MALRD1: variants seen among roughly 807,000 people sequenced by gnomAD.
The protein encoded by MALRD1 is MAM and LDL-receptor class A domain-containing protein 1.
A neutral mutation model predicts 242.1 loss-of-function variants in MALRD1; 247 were observed. The ratio of observed to expected loss-of-function variants is 1.02; its 90% CI spans 0.92 to 1.13. The LOEUF is 1.13. Among genes scored for constraint, MALRD1 ranks in the 50% most tolerant of loss-of-function variants. The probability of loss-of-function intolerance (pLI) is 0.00; values close to 1 mark genes in which losing one functional copy is unlikely to be tolerated. For missense variants in MALRD1, 2,989 were observed against 2,533.1 expected (o/e 1.18, Z -3.86); for synonymous variants, 995 against 866.6 (o/e 1.15, Z -2.60).
chr10:19,137,040 G>A (rs894695020), intron 10 of MALRD1, among the ~76,000 whole-genome samples: 8 of 152,156 alleles, frequency 5.3e-5, no homozygotes, highest in Admixed American at 1.3e-4. Context: ...TGTTGGCTGG[G>A]TGTGCGAATG....
At chr10:19,403,642 TC>T (rs1846962968) in intron 28 of MALRD1, among the ~76,000 whole-genome samples, 1 of 152,060 alleles carries the variant, frequency 6.6e-6, no homozygotes, top group Non-Finnish European at 1.5e-5. Context: ...GGCTTTCTTT[TC>T]ATCAGCATTC....
intron 26 of MALRD1, 87 bp from the exon 27 acceptor site, chr10:19,387,441 A>G: frequency 7.1e-7 from 1 of 1,417,716 alleles, no homozygotes; most frequent in South Asian, 1.5e-5. Flanking sequence ...TTTATAGATT[A>G]AAATGAATCC....
chr10:19,521,902 C>G (rs1359772204), intron 31 of MALRD1, among the ~76,000 whole-genome samples: 1 of 152,112 alleles, frequency 6.6e-6, no homozygotes, highest in Non-Finnish European at 1.5e-5. Flanking sequence ...TCATTGTTAA[C>G]ACTGTTAATT....
At chr10:19,355,955 G>T (rs902329090) in intron 26 of MALRD1, among the ~76,000 whole-genome samples, 3 of 147,756 alleles carry the variant, frequency 2.0e-5, no homozygotes, top group Admixed American at 6.9e-5. Context: ...CTAGGGTTAG[G>T]GTTGGAATGC....
intron 35 of MALRD1, among the ~76,000 whole-genome samples, chr10:19,609,436 A>T (rs1838783298): frequency 6.6e-6 from 1 of 152,060 alleles, no homozygotes; most frequent in African/African-American, 2.4e-5. Context: ...GACCCACACT[A>T]AAGATTTGTC....
At chr10:19,364,559 T>C (rs1437068577) in intron 26 of MALRD1, among the ~76,000 whole-genome samples, 1 of 152,138 alleles carries the variant, frequency 6.6e-6, no homozygotes, top group African/African-American at 2.4e-5. Context: ...AAGCTAAAAC[T>C]AAACTATTTT....
intron 36 of MALRD1, among the ~76,000 whole-genome samples, chr10:19,621,429 C>T (rs150822711): frequency 0.011 from 1,624 of 148,226 alleles, 25 homozygotes; most frequent in African/African-American, 0.038. Context: ...TGGTTGAACC[C>T]AGGAAAAAAT....
At chr10:19,288,792 C>G (rs1350009448) in intron 21 of MALRD1, among the ~76,000 whole-genome samples, 1 of 151,970 alleles carries the variant, frequency 6.6e-6, no homozygotes, top group Admixed American at 6.6e-5. Flanking sequence ...CCCTTACAGC[C>G]CTCTCCACAG....
chr10:19,368,240 A>G (rs1193055504), intron 26 of MALRD1, among the ~76,000 whole-genome samples: 3 of 152,014 alleles, frequency 2.0e-5, no homozygotes, highest in Admixed American at 6.6e-5. Context: ...TTCTTCTAGT[A>G]GGCTTATAGT....
At chr10:19,652,438 G>C (rs751518495) in intron 36 of MALRD1, among the ~76,000 whole-genome samples, 14 of 152,188 alleles carry the variant, frequency 9.2e-5, no homozygotes, top group Non-Finnish European at 1.6e-4. Flanking sequence ...AAATTTCAAA[G>C]GTAGATAGTA....
intron 14 of MALRD1, among the ~76,000 whole-genome samples, chr10:19,190,744 G>T (rs1324708671): frequency 6.6e-6 from 1 of 150,554 alleles, no homozygotes; most frequent in African/African-American, 2.4e-5. Context: ...GGGAAAACTA[G>T]ATATCAACTT....
intron 31 of MALRD1, among the ~76,000 whole-genome samples, chr10:19,515,500 C>T (rs1451456078): frequency 2.0e-5 from 3 of 151,918 alleles, no homozygotes; most frequent in Non-Finnish European, 4.4e-5. Context: ...TAGTAGGTCA[C>T]TTTAACTTGT....
chr10:19,724,384 T>C (rs561651735), intron 38 of MALRD1, among the ~76,000 whole-genome samples: 16 of 152,200 alleles, frequency 1.1e-4, no homozygotes, highest in Non-Finnish European at 2.1e-4. Context: ...AAAAGTGTAT[T>C]TTAAAAATTA....
intron 18 of MALRD1, among the ~76,000 whole-genome samples, chr10:19,239,750 G>C (rs987020446): frequency 5.9e-5 from 9 of 152,034 alleles, no homozygotes; most frequent in Non-Finnish European, 1.0e-4. Flanking sequence ...ATTTAATGAA[G>C]AGACTGTCTT....
intron 35 of MALRD1, among the ~76,000 whole-genome samples, chr10:19,614,907 T>A (rs1353848434): frequency 6.6e-6 from 1 of 152,034 alleles, no homozygotes; most frequent in East Asian, 1.9e-4. Context: ...TGTGTAGAAC[T>A]AGAGAAATAT....
At chr10:19,129,145 T>C (rs1837374385) in intron 8 of MALRD1, among the ~76,000 whole-genome samples, 1 of 152,054 alleles carries the variant, frequency 6.6e-6, no homozygotes, top group African/African-American at 2.4e-5. Flanking sequence ...ATAGTACAGA[T>C]TCCACAGGTT....
intron 36 of MALRD1, among the ~76,000 whole-genome samples, chr10:19,686,911 CA>C (rs1167386115): frequency 6.6e-6 from 1 of 151,324 alleles, no homozygotes; most frequent in African/African-American, 2.4e-5. Context: ...ACTAGACACA[CA>C]AAAGAAGTGG....
At chr10:19,392,472 A>G (rs1042532928) in intron 28 of MALRD1, among the ~76,000 whole-genome samples, 3 of 152,218 alleles carry the variant, frequency 2.0e-5, no homozygotes, top group Non-Finnish European at 4.4e-5. Context: ...TGGTTCTTAG[A>G]ATGGCCATAT....
At chr10:19,154,111 G>A (rs745870342) in intron 11 of MALRD1, among the ~76,000 whole-genome samples, 1 of 152,116 alleles carries the variant, frequency 6.6e-6, no homozygotes, top group African/African-American at 2.4e-5. Context: ...ATTACCTGTA[G>A]TTTGGAATTT....
Sources: allele counts gnomAD v4.1 joint callset (sites outside exome capture counted in the v4.1 genomes callset), GRCh38; gene constraint gnomAD v4.1.1; transcripts MANE v1.5; gene names NCBI Gene and HGNC (gene_info 2026-07-23, HGNC 2026-07-21).